CACNG3: variants seen among roughly 807,000 people sequenced by gnomAD.
CACNG3 encodes the protein calcium voltage-gated channel auxiliary subunit gamma 3, also known as voltage-dependent calcium channel gamma-3 subunit.
CACNG3 carries 3 observed loss-of-function variants against 28.5 expected under a neutral mutation model. The observed-to-expected ratio is 0.11, with a 90% CI of 0.05 to 0.27. CACNG3 has a LOEUF of 0.27. Among genes scored for constraint, CACNG3 ranks in the 10% least tolerant of loss-of-function variants. The probability of loss-of-function intolerance (pLI) is 1.00; values close to 1 mark genes in which losing one functional copy is unlikely to be tolerated. For missense variants in CACNG3, 236 were observed against 414.4 expected (o/e 0.57, Z 3.74); for synonymous variants, 174 against 162.2 (o/e 1.07, Z -0.55).
At chr16:24,296,648 T>C (rs916891) in intron 1 of CACNG3, among the ~76,000 whole-genome samples, 123,214 of 152,108 alleles carry the variant, frequency 0.81, 50,450 homozygotes, top group African/African-American at 0.93. Context: ...ATTAACCCTC[T>C]TCATTCTTTG....
chr16:24,330,716 G>C (rs1899620956), intron 1 of CACNG3, among the ~76,000 whole-genome samples: 1 of 152,184 alleles, frequency 6.6e-6, no homozygotes, highest in Admixed American at 6.5e-5. Context: ...TTAAAAAGCA[G>C]CTAAGACCCA....
At chr16:24,297,987 CTGTGTGTG>C (rs55859502) in intron 1 of CACNG3, among the ~76,000 whole-genome samples, 43,835 of 149,110 alleles carry the variant, frequency 0.29, 6,438 homozygotes, top group East Asian at 0.39. Context: ...TTCAAAAGAT[CTGTGTGTG>C]TGTGTGTGTG....
At chr16:24,335,393 C>T (rs1187362193) in intron 1 of CACNG3, among the ~76,000 whole-genome samples, 1 of 152,204 alleles carries the variant, frequency 6.6e-6, no homozygotes, top group Admixed American at 6.5e-5. Flanking sequence ...GCACTCCATT[C>T]TGGATAACAG....
At chr16:24,347,938 C>A (rs924915082) in intron 2 of CACNG3, among the ~76,000 whole-genome samples, 1 of 152,122 alleles carries the variant, frequency 6.6e-6, no homozygotes, top group Admixed American at 6.5e-5. Flanking sequence ...TTAGCCGGGG[C>A]CCAACACATA....
At chr16:24,339,915 A>G (rs989649961) in intron 1 of CACNG3, among the ~76,000 whole-genome samples, 51 of 152,352 alleles carry the variant, frequency 3.3e-4, no homozygotes, top group African/African-American at 1.0e-3. Flanking sequence ...CAGAAGTTAC[A>G]GCTAGAAGGG....
At chr16:24,346,393 T>C (rs528858475) in intron 1 of CACNG3, among the ~76,000 whole-genome samples, 45 of 152,120 alleles carry the variant, frequency 3.0e-4, no homozygotes, top group African/African-American at 1.1e-3. Context: ...GGCAAGATAG[T>C]GAGACCTTTT....
chr16:24,302,631 TTTGTTTTTG>T (rs1016296622), intron 1 of CACNG3, among the ~76,000 whole-genome samples: 3 of 134,398 alleles, frequency 2.2e-5, no homozygotes, highest in Non-Finnish European at 4.6e-5. Flanking sequence ...AATTTTTTTG[TTTGTTTTTG>T]TTTTGTTTTG....
intron 1 of CACNG3, among the ~76,000 whole-genome samples, chr16:24,265,053 A>G (rs547795439): frequency 4.1e-4 from 63 of 152,312 alleles, no homozygotes; most frequent in Admixed American, 1.1e-3. Context: ...AGCATGGGCA[A>G]CATAGTGAGA....
chr16:24,329,093 C>T (rs777054451), intron 1 of CACNG3, among the ~76,000 whole-genome samples: 1 of 152,128 alleles, frequency 6.6e-6, no homozygotes, highest in Non-Finnish European at 1.5e-5. Flanking sequence ...AGCTCAGATT[C>T]GAGCAGGGGT....
At chr16:24,343,571 C>G (rs1198093607) in intron 1 of CACNG3, among the ~76,000 whole-genome samples, 1 of 152,122 alleles carries the variant, frequency 6.6e-6, no homozygotes, top group African/African-American at 2.4e-5. Context: ...AGTTCATTGC[C>G]AACATCAATA....
Position 24,340,126 on chromosome 16 carries a change from C to T in CACNG3, c.212-6608C>T, listed in dbSNP as rs528697935. 9.2e-5 allele frequency among the ~76,000 whole-genome samples: 14 copies of T among 152,246 alleles called. No individual in the cohort carries two copies. In the South Asian group the frequency reaches 2.9e-3, roughly 32 times the overall value. On this transcript the variant is annotated intron_variant, in intron 1 of 3. Transcript: ENST00000005284. Reference sequence around the variant, plus strand: ...TCTCTACAAAAAATATAAAAATTGGCTGGTTGTGGTGGTGCACACCTCTAG... The same window carrying T: ...TCTCTACAAAAAATATAAAAATTGGTTGGTTGTGGTGGTGCACACCTCTAG...
chr16:24,282,248 C>G (rs1769728358), intron 1 of CACNG3, among the ~76,000 whole-genome samples: 2 of 152,140 alleles, frequency 1.3e-5, no homozygotes, highest in African/African-American at 4.8e-5. Context: ...GGAACAGAGA[C>G]TAGAATCCTA....
chr16:24,257,369 GAGAGA>G (rs1338771358), intron 1 of CACNG3, among the ~76,000 whole-genome samples: 282 of 19,644 alleles, frequency 0.014, 30 homozygotes, highest in East Asian at 0.021. Context: ...AGTGAGGGGG[GAGAGA>G]GAGAGAGAGA....
intron 3 of CACNG3, among the ~76,000 whole-genome samples, chr16:24,360,167 A>G (rs546666198): frequency 4.6e-5 from 7 of 152,206 alleles, no homozygotes; most frequent in Non-Finnish European, 1.0e-4. Context: ...GGAGGCAAAG[A>G]GATGCCAGCT....
chr16:24,361,546 T>G lies in CACNG3; in HGVS notation c.631T>G (p.Ser211Ala). ...IEKHQQLRAKSHSEFLKKSTF... is the reference protein window; with the variant it reads ...IEKHQQLRAKAHSEFLKKSTF... ...AAAACATCAGCAGTTACGAGCCAAATCCCACTCGGAGTTCCTGAAGAAATC... is the reference window on the plus strand; with the variant it reads ...AAAACATCAGCAGTTACGAGCCAAAGCCCACTCGGAGTTCCTGAAGAAATC... Residue 211 changes from serine to alanine, a missense_variant, in exon 4 of 4, where the codon TCC becomes GCC. Around this residue, in one of 2 missense-constraint regions of CACNG3, gnomAD observed 116 missense variants for 151.0 expected, o/e 0.77. Transcript: ENST00000005284. The surrounding 1 kb of genome is among the most constrained non-coding windows in gnomAD (Gnocchi z 6.8). The G allele has an allele frequency of 6.2e-7, 1 of 1,613,914 alleles. No homozygotes were observed. The highest frequency in any genetic ancestry group is 1.1e-5 in the South Asian group (1 of 91,046).
intron 1 of CACNG3, among the ~76,000 whole-genome samples, chr16:24,259,428 A>G (rs553535395): frequency 1.4e-4 from 21 of 152,296 alleles, no homozygotes; most frequent in African/African-American, 5.1e-4. Context: ...ATGAAGATGA[A>G]CAGTCCTTTC....
Position 24,361,538 on chromosome 16 carries a change from G to A in CACNG3, c.623G>A (p.Arg208Gln), listed in dbSNP as rs770078893. ...TATATTGAAAAACATCAGCAGTTAC[G>A]AGCCAAATCCCACTCGGAGTTCCTG... ...HIYIEKHQQL[R>Q]AKSHSEFLKK... Residue 208 changes from arginine (R) to glutamine (Q), a missense_variant, in exon 4 of 4, where the codon CGA (arginine) becomes CAA (glutamine). By Grantham distance (43) the Arg-to-Gln change is conservative. Coordinates refer to ENST00000005284, the MANE Select transcript of CACNG3 (RefSeq NM_006539.4). This position sits in a 1 kb window ranked among gnomAD's most constrained non-coding sequence, Gnocchi z 6.8. 8 of 1,613,860 alleles carry A rather than the reference G, an allele frequency of 5.0e-6. No homozygotes were observed. The highest frequency in any genetic ancestry group is 2.2e-5 in the East Asian group (1 of 44,874).
chr16:24,354,388 C>G (rs1162233234), intron 2 of CACNG3, among the ~76,000 whole-genome samples: 1 of 152,016 alleles, frequency 6.6e-6, no homozygotes, highest in East Asian at 1.9e-4. Flanking sequence ...GTGTCCGTGC[C>G]TGGGCTCCCA....
intron 1 of CACNG3, among the ~76,000 whole-genome samples, chr16:24,289,096 A>G (rs1213187655): frequency 6.6e-6 from 1 of 152,094 alleles, no homozygotes; most frequent in Non-Finnish European, 1.5e-5. Flanking sequence ...TCTTAAGGAA[A>G]CCGCATGTCT....
Sources: gnomAD v4.1 joint callset for allele counts (sites outside exome capture counted in the v4.1 genomes callset) on GRCh38, gnomAD v4.1.1 for gene constraint, gnomAD v4.1.1 regional missense constraint, Gnocchi (gnomAD v3.1) non-coding constraint, MANE v1.5 for transcripts, NCBI Gene and HGNC (gene_info 2026-07-23, HGNC 2026-07-21) for gene names.